Variants in AFAP1L2 observed in about 807,000 individuals in gnomAD.
The protein encoded by AFAP1L2 is actin filament associated protein 1 like 2, also known as actin filament-associated protein 1-like 2.
Under a neutral mutation model 99.3 loss-of-function variants are expected in AFAP1L2, and 46 were observed. That is an observed-to-expected ratio of 0.46 (90% CI 0.37 to 0.59). The LOEUF (loss-of-function observed/expected upper bound fraction) is 0.59. Among genes scored for constraint, AFAP1L2 ranks in the 20% least tolerant of loss-of-function variants. The pLI is 0.00. For missense variants in AFAP1L2, 959 were observed against 1,034.9 expected (o/e 0.93, Z 1.01); for synonymous variants, 397 against 419.1 (o/e 0.95, Z 0.64).
Position 114,368,523 on chromosome 10 carries a change from A to C in AFAP1L2, c.17-27792T>G, listed in dbSNP as rs2053609556. Among the ~76,000 whole-genome samples the C allele has an allele frequency of 3.9e-5, 6 of 152,180 alleles. No individual in the cohort carries two copies. In the South Asian group the frequency reaches 1.2e-3, roughly 32 times the overall value. ...CAGCCTCCACCTCCCAGGCTTAATC[A>C]ATCTCCTGCCTCAGCCTCCTGAGTA... On this transcript the variant is annotated intron_variant, in intron 1 of 18. Coordinates refer to ENST00000304129, the MANE Select transcript of AFAP1L2 (RefSeq NM_001001936.3).
chr10:114,306,057 G>A lies in AFAP1L2; in HGVS notation c.1073-1127C>T, dbSNP rs1223203274. 1.8e-5 allele frequency among the ~76,000 whole-genome samples: 2 copies of A among 111,904 alleles called. 1 individual carries two copies. The highest frequency in any genetic ancestry group is 3.6e-5 in the Non-Finnish European group (2 of 55,192). 73.4% of individuals were successfully genotyped at this position (111,904 alleles called of 152,430 possible). A position where few individuals can be genotyped will look rare whatever the true frequency, so the allele number is the denominator to read the frequency against. ...AGGGGACACAGATGCAGAAGGGGGC[G>A]CAGATGCANGAAGCGACGGGGCTGC... is the stretch of plus-strand genomic sequence containing the variant. On this transcript the variant is annotated intron_variant, in intron 10 of 18. Coordinates refer to ENST00000304129, the MANE Select transcript of AFAP1L2 (RefSeq NM_001001936.3).
intron 1 of AFAP1L2, among the ~76,000 whole-genome samples, chr10:114,347,415 G>A (rs577853190): frequency 6.6e-5 from 10 of 152,244 alleles, no homozygotes; most frequent in East Asian, 5.8e-4. Context: ...CCTTTAGCAC[G>A]TATCTACTAT....
rs1415046024 is a variant in AFAP1L2 at position 114,355,835 on chromosome 10, T to C, written c.17-15104A>G. ...AAAAATACAAAAAACTAGCCAGGCA[T>C]GGTGGCACATGCCTGTGGTTTCAGC... On this transcript the variant is annotated intron_variant, in intron 1 of 18. Coordinates refer to ENST00000304129, the MANE Select transcript of AFAP1L2 (RefSeq NM_001001936.3). 2.6e-5 allele frequency among the ~76,000 whole-genome samples: 4 copies of C among 152,074 alleles called. No individual in the cohort carries two copies. In the East Asian group the frequency reaches 7.8e-4, roughly 30 times the overall value.
intron 1 of AFAP1L2, among the ~76,000 whole-genome samples, chr10:114,403,742 C>T (rs1404047007): frequency 6.6e-6 from 1 of 152,198 alleles, no homozygotes; most frequent in Non-Finnish European, 1.5e-5. Flanking sequence ...AGATCCTGGC[C>T]CCCGCCAAAC....
chr10:114,363,188 A>T, intron 1 of AFAP1L2: 1 of 984,776 alleles, frequency 1.0e-6, no homozygotes, highest in African/African-American at 1.7e-5. Flanking sequence ...AATCAAGGAG[A>T]GGCAACTCTT....
At chr10:114,340,058 T>C (rs1291352963) in intron 2 of AFAP1L2, among the ~76,000 whole-genome samples, 9 of 144,550 alleles carry the variant, frequency 6.2e-5, no homozygotes, top group African/African-American at 2.3e-4. Flanking sequence ...GGGTCAGGCA[T>C]GGTGGCTCAC....
intron 1 of AFAP1L2, among the ~76,000 whole-genome samples, chr10:114,341,521 G>A (rs186202501): frequency 1.3e-5 from 2 of 151,602 alleles, no homozygotes; most frequent in Admixed American, 1.3e-4. Flanking sequence ...GCTGAGGCAG[G>A]AGAATCGCTT....
rs1166544454 is a variant in AFAP1L2, at chr10:114,310,450, C to T, written c.793-7G>A. 2 of 1,612,428 alleles carry T rather than the reference C, an allele frequency of 1.2e-6. No homozygotes were observed. The highest frequency in any genetic ancestry group is 1.7e-5 in the Admixed American group (1 of 59,688). ...CGCTCACTTCCTGGATGACCTGAGG[C>T]AAGAGGGAAGCCGTCAGCAGAGGCT... On this transcript the variant is annotated splice_polypyrimidine_tract_variant and splice_region_variant and intron_variant, in intron 7 of 18. Transcript: ENST00000304129.
chr10:114,291,593 A>G (rs147756253), downstream of AFAP1L2: 236 of 240,474 alleles, frequency 9.8e-4, 1 homozygote, highest in African/African-American at 4.9e-3. Context: ...ACTTAAATTT[A>G]GCGGCCTGAC....
chr10:114,351,986 C>T (rs934242319), intron 1 of AFAP1L2, among the ~76,000 whole-genome samples: 2 of 152,260 alleles, frequency 1.3e-5, no homozygotes, highest in Middle Eastern at 3.4e-3. Flanking sequence ...TAAAATAGGG[C>T]TAATAATTGT....
Position 114,340,738 on chromosome 10 carries a change from A to G in AFAP1L2, c.17-7T>C. On this transcript the variant is annotated splice_polypyrimidine_tract_variant and splice_region_variant and intron_variant, in intron 1 of 18. Transcript: ENST00000304129. ...GTCAGCAGCTGTTCCAGGGCTAGGGACAGGAAACAGAAGAAACTTATAGTG... is the reference window on the plus strand; with the variant it reads ...GTCAGCAGCTGTTCCAGGGCTAGGGGCAGGAAACAGAAGAAACTTATAGTG... 6.2e-7 allele frequency: 1 copy of G among 1,614,144 alleles called. No homozygotes were observed. Among genetic ancestry groups the G allele is most frequent in the Non-Finnish European group, 8.5e-7 (1 of 1,179,996 alleles).
chr10:114,331,937 C>A (rs1590238591), intron 3 of AFAP1L2, 40 bp from the exon 4 acceptor site: 3 of 1,242,204 alleles, frequency 2.4e-6, no homozygotes, highest in East Asian at 6.3e-5. Flanking sequence ...TGAGGGGTGA[C>A]CAGCCTTACA....
At position 114,372,048 on chromosome 10, in the gene AFAP1L2, C is replaced by T. The variant is rs139707716; in HGVS notation, c.17-31317G>A. On this transcript the variant is annotated intron_variant, in intron 1 of 18. Coordinates refer to ENST00000304129, the MANE Select transcript of AFAP1L2 (RefSeq NM_001001936.3). ...CCCAGCAAGTCACATCTTGCAGAGACAGCAACAACAAAGGTTCTTTCCCTT... is the reference window on the plus strand; with the variant it reads ...CCCAGCAAGTCACATCTTGCAGAGATAGCAACAACAAAGGTTCTTTCCCTT... 5.2e-3 allele frequency among the ~76,000 whole-genome samples: 786 copies of T among 152,338 alleles called. 3 individuals carry two copies. Among genetic ancestry groups the T allele is most frequent in the Middle Eastern group, 0.01 (3 of 292 alleles).
At chr10:114,340,532 G>A (rs1157700074) in intron 2 of AFAP1L2, 71 bp downstream of exon 2, 19 of 1,522,408 alleles carry the variant, frequency 1.2e-5, no homozygotes, top group Non-Finnish European at 1.6e-5. Flanking sequence ...CTTAGCTATG[G>A]CAGCCCGCAC....
At chr10:114,334,542 C>G (rs1371531823) in intron 2 of AFAP1L2, among the ~76,000 whole-genome samples, 2 of 152,156 alleles carry the variant, frequency 1.3e-5, no homozygotes, top group South Asian at 4.1e-4. Context: ...AGCAGGGACC[C>G]GAGAGCCAAG....
chr10:114,289,377 C>T, the AFAP1L2 span: 821 of 1,614,194 alleles, frequency 5.1e-4, 7 homozygotes, highest in African/African-American at 9.8e-3. Flanking sequence ...TGGGGCCTGT[C>T]CTAAGTGAGG....
chr10:114,336,423 T>C (rs2047982821), intron 2 of AFAP1L2, among the ~76,000 whole-genome samples: 1 of 152,200 alleles, frequency 6.6e-6, no homozygotes, highest in South Asian at 2.1e-4. Flanking sequence ...AGAAAACAGA[T>C]GTTACCTCTG....
chr10:114,310,317 G>A (rs2043031382), intron 8 of AFAP1L2, 37 bp downstream of exon 8: 2 of 1,571,324 alleles, frequency 1.3e-6, no homozygotes, highest in African/African-American at 1.4e-5. Flanking sequence ...AGAAAACATG[G>A]AAGGGGACTC....
intron 17 of AFAP1L2, 37 bp from the exon 18 acceptor site, chr10:114,297,137 G>T (rs772523676): frequency 1.2e-6 from 2 of 1,612,410 alleles, no homozygotes; most frequent in Non-Finnish European, 1.7e-6. Flanking sequence ...CTGAGTCAAG[G>T]GGAGGGAGAT....
Sources: gnomAD v4.1 joint callset for allele counts (sites outside exome capture counted in the v4.1 genomes callset) on GRCh38, gnomAD v4.1.1 for gene constraint, MANE v1.5 for transcripts, NCBI Gene and HGNC (gene_info 2026-07-23, HGNC 2026-07-21) for gene names.